TNFSF9: variants seen among roughly 807,000 people sequenced by gnomAD.
TNFSF9 encodes tumor necrosis factor ligand superfamily member 9.
In TNFSF9, 10 loss-of-function variants were observed where a neutral mutation model predicts 10.3. That is an observed-to-expected ratio of 0.97 (90% CI 0.60 to 1.65). TNFSF9 has a LOEUF of 1.65. Ranked by LOEUF, TNFSF9 falls within the 40% of genes most tolerant of loss-of-function variation. The probability of loss-of-function intolerance (pLI) is 0.00; values close to 1 mark genes in which losing one functional copy is unlikely to be tolerated. For synonymous variants in TNFSF9, 195 were observed against 176.1 expected (o/e 1.11, Z -0.85); for missense variants, 361 against 348.9 (o/e 1.03, Z -0.28).
At chr19:6,531,805 T>C (rs151237610) in intron 1 of TNFSF9, among the ~76,000 whole-genome samples, 14 of 151,924 alleles carry the variant, frequency 9.2e-5, no homozygotes, top group Admixed American at 2.0e-4. Flanking sequence ...CAGGGATACG[T>C]CTTCTGCACC....
intron 1 of TNFSF9, among the ~76,000 whole-genome samples, chr19:6,532,223 A>G (rs1915160397): frequency 6.6e-6 from 1 of 151,322 alleles, no homozygotes; most frequent in Non-Finnish European, 1.5e-5. Context: ...TCCCTCCTGA[A>G]TTCTTGGAGA....
At chr19:6,533,943 C>G (rs1392880808) in intron 2 of TNFSF9, among the ~76,000 whole-genome samples, 1 of 104,666 alleles carries the variant, frequency 9.6e-6, no homozygotes, top group Non-Finnish European at 2.0e-5. Flanking sequence ...GGTCCCCTGT[C>G]CACCCCTCTT....
intron 1 of TNFSF9, among the ~76,000 whole-genome samples, chr19:6,532,299 T>G (rs453643): frequency 0.012 from 955 of 81,896 alleles, 13 homozygotes; most frequent in African/African-American, 0.066. Flanking sequence ...GTGTGTGTGT[T>G]CGTGTTTGTG....
intron 1 of TNFSF9, 95 bp from the exon 2 acceptor site, chr19:6,532,691 G>C: frequency 6.3e-7 from 1 of 1,581,828 alleles, no homozygotes; most frequent in Non-Finnish European, 8.7e-7. Flanking sequence ...GGTCGGCACA[G>C]ACTCTGGGGA....
At position 6,534,990 on chromosome 19, in the gene TNFSF9, A is replaced by G; in HGVS notation, c.689A>G (p.Gln230Arg). The G allele has an allele frequency of 6.2e-7, 1 of 1,609,918 alleles. No homozygotes were observed. Among genetic ancestry groups the G allele is most frequent in the Non-Finnish European group, 8.5e-7 (1 of 1,178,200 alleles). Residue 230 changes from glutamine to arginine, a missense_variant, in exon 3 of 3, where the codon CAG becomes CGG. Gln to Arg is a conservative substitution (Grantham distance 43). Transcript: ENST00000245817. ...ARARHAWQLTQGATVLGLFRV... is the reference protein window; with the variant it reads ...ARARHAWQLTRGATVLGLFRV... The stretch of plus-strand genomic sequence containing the variant: ...GCACGCCATGCCTGGCAGCTTACCC[A>G]GGGCGCCACAGTCTTGGGACTCTTC...
At chr19:6,533,116 T>C (rs572771250) in intron 2 of TNFSF9, among the ~76,000 whole-genome samples, 40 of 151,978 alleles carry the variant, frequency 2.6e-4, no homozygotes, top group African/African-American at 9.7e-4. Context: ...TTTGTGTCTC[T>C]GGCCTCCTTC....
intron 1 of TNFSF9, among the ~76,000 whole-genome samples, chr19:6,532,472 CGT>C (rs1915169693): frequency 2.5e-5 from 3 of 120,754 alleles, no homozygotes; most frequent in Admixed American, 8.3e-5. Context: ...TATTTGTGTT[CGT>C]GTGTGTCTGT....
chr19:6,534,730 C>T lies in TNFSF9; in HGVS notation c.429C>T (p.Val143=), dbSNP rs1306220709. The part of the protein sequence containing the change: ...LVVAKAGVYY[V]FFQLELRRVV... Reference sequence around the variant, plus strand: ...TGGCCAAGGCTGGAGTCTACTATGTCTTCTTTCAACTAGAGCTGCGGCGCG... The same window carrying T: ...TGGCCAAGGCTGGAGTCTACTATGTTTTCTTTCAACTAGAGCTGCGGCGCG... Residue 143 remains valine, a synonymous_variant, in exon 3 of 3, where the codon GTC becomes GTT. Transcript: ENST00000245817. 4 of 1,597,424 alleles carry T rather than the reference C, an allele frequency of 2.5e-6. No homozygotes were observed. The African/African-American group carries it at 5.4e-5, about 21-fold the overall frequency.
rs1262775831 is a variant in TNFSF9 at position 6,531,211 on chromosome 19, C to T, written c.175C>T (p.Arg59Cys). ...CTGCCCCTGGGCCGTGTCCGGGGCT[C>T]GCGCCTCGCCCGGCTCCGCGGCCAG... ...LACPWAVSGA[R>C]ASPGSAASPR... Residue 59 changes from arginine to cysteine, a missense_variant, in exon 1 of 3, where the codon CGC becomes TGC. Arg to Cys is a radical substitution (Grantham distance 180, BLOSUM62 -3). Transcript: ENST00000245817. 7 of 1,539,730 alleles carry T rather than the reference C, an allele frequency of 4.5e-6. No homozygotes were observed. The highest frequency in any genetic ancestry group is 2.0e-5 in the Admixed American group (1 of 49,262).
rs1030135670 is a variant in TNFSF9 at position 6,534,226 on chromosome 19, A to G, written c.299-374A>G. Among the ~76,000 whole-genome samples, 5 of 143,812 alleles carry G rather than the reference A, an allele frequency of 3.5e-5. 1 individual carries two copies. Among genetic ancestry groups the G allele is most frequent in the Admixed American group, 2.1e-4 (3 of 14,026 alleles). The allele number at this position is 143,812 out of a possible 152,430, so 94.3% of individuals were successfully genotyped here. ...TTTCACCCCCTCTTCCTCTTCCTGC[A>G]TGTCTTTCCCCGCACCCGCATCACT... On this transcript the variant is annotated intron_variant, in intron 2 of 2. Coordinates refer to ENST00000245817, the MANE Select transcript of TNFSF9 (RefSeq NM_003811.4).
At chr19:6,534,110 C>G (rs930054782) in intron 2 of TNFSF9, among the ~76,000 whole-genome samples, 2 of 137,102 alleles carry the variant, frequency 1.5e-5, no homozygotes, top group African/African-American at 5.5e-5. Flanking sequence ...CCGAGATCTG[C>G]TGCTCCCTCC....
In TNFSF9 at chr19:6,534,749, C is replaced by A. The variant is rs77313944; in HGVS notation, c.448C>A (p.Arg150=). 1 of 1,598,016 alleles carries A rather than the reference C, an allele frequency of 6.3e-7. No homozygotes were observed. The highest frequency in any genetic ancestry group is 1.3e-5 in the African/African-American group (1 of 74,630). Residue 150 remains arginine (R), a synonymous_variant, in exon 3 of 3, where the codon CGG becomes AGG. Transcript: ENST00000245817. The part of the protein sequence containing the change: ...VYYVFFQLEL[R]RVVAGEGSGS... The stretch of plus-strand genomic sequence containing the variant: ...CTATGTCTTCTTTCAACTAGAGCTG[C>A]GGCGCGTGGTGGCCGGCGAGGGCTC...
rs1915235705 is a variant in TNFSF9 at position 6,534,904 on chromosome 19, C to T, written c.603C>T (p.Gly201=). The T allele has an allele frequency of 4.4e-6, 7 of 1,608,196 alleles. No homozygotes were observed. The East Asian group carries it at 1.6e-4, about 36-fold the overall frequency. Residue 201 remains glycine (G), a synonymous_variant, in exon 3 of 3, where the codon GGC becomes GGT. Coordinates refer to ENST00000245817, the MANE Select transcript of TNFSF9 (RefSeq NM_003811.4). ...EARNSAFGFQ[G]RLLHLSAGQR... The stretch of plus-strand genomic sequence containing the variant: ...GGAACTCGGCCTTCGGTTTCCAGGG[C>T]CGCTTGCTGCACCTGAGTGCCGGCC...
chr19:6,532,539 GTGTT>G (rs893807267), intron 1 of TNFSF9, among the ~76,000 whole-genome samples: 1 of 151,226 alleles, frequency 6.6e-6, no homozygotes, highest in Non-Finnish European at 1.5e-5. Flanking sequence ...GTGTGTGTTC[GTGTT>G]TGTTCGTGTG....
intron 2 of TNFSF9, 114 bp from the exon 3 acceptor site, chr19:6,534,486 G>GGC: frequency 6.6e-6 from 1 of 151,604 alleles, no homozygotes; most frequent in Non-Finnish European, 1.0e-5. Context: ...CCCGCCCCCC[G>GGC]GCCCCTGACC....
At chr19:6,532,519 T>TTGCGTTCGTGTG (rs1915170986) in intron 1 of TNFSF9, among the ~76,000 whole-genome samples, 1 of 145,760 alleles carries the variant, frequency 6.9e-6, no homozygotes, top group Non-Finnish European at 1.5e-5. Flanking sequence ...GTGTTTGTGT[T>TTGCGTTCGTGTG]TGCGTTCGTG....
rs1915237096 is a variant in TNFSF9 at position 6,534,962 on chromosome 19, A to G, written c.661A>G (p.Arg221Gly). Residue 221 changes from arginine (R) to glycine (G), a missense_variant, in exon 3 of 3, where the codon AGG (arginine) becomes GGG (glycine). Physicochemically the swap from Arg to Gly is moderately radical, Grantham distance 125 (BLOSUM62 -2). Transcript: ENST00000245817. The part of the protein sequence containing the change: ...RLGVHLHTEA[R>G]ARHAWQLTQG... ...GGGCGTCCATCTTCACACTGAGGCC[A>G]GGGCACGCCATGCCTGGCAGCTTAC... The G allele has an allele frequency of 1.2e-6, 2 of 1,611,382 alleles. No homozygotes were observed. Among genetic ancestry groups the G allele is most frequent in the East Asian group, 2.2e-5 (1 of 44,852 alleles).
Position 6,531,269 on chromosome 19 carries a change from C to T in TNFSF9, c.233C>T (p.Pro78Leu), listed in dbSNP as rs1350230565. Residue 78 changes from proline (P) to leucine (L), a missense_variant, in exon 1 of 3, where the codon CCC (proline) becomes CTC (leucine). Pro to Leu is a moderately conservative substitution (Grantham distance 98). Coordinates refer to ENST00000245817, the MANE Select transcript of TNFSF9 (RefSeq NM_003811.4). ...PRLREGPELSPDDPAGLLDLR... is the reference protein window; with the variant it reads ...PRLREGPELSLDDPAGLLDLR... ...CTCCGCGAGGGTCCCGAGCTTTCGC[C>T]CGACGATCCCGCCGGCCTCTTGGAC... 2 of 1,509,748 alleles carry T rather than the reference C, an allele frequency of 1.3e-6. No homozygotes were observed. The highest frequency in any genetic ancestry group is 1.8e-6 in the Non-Finnish European group (2 of 1,138,222). 93.5% of individuals were successfully genotyped at this position (1,509,748 alleles called of 1,614,324 possible).
rs1256404184 is a variant in TNFSF9, at chr19:6,533,394, C to T, written c.298+578C>T. Among the ~76,000 whole-genome samples, 3 of 135,132 alleles carry T rather than the reference C, an allele frequency of 2.2e-5. 1 individual carries two copies. The highest frequency in any genetic ancestry group is 8.5e-5 in the African/African-American group (3 of 35,170). 88.7% of individuals were successfully genotyped at this position (135,132 alleles called of 152,430 possible). A position where few individuals can be genotyped will look rare whatever the true frequency, so the allele number is the denominator to read the frequency against. On this transcript the variant is annotated intron_variant, in intron 2 of 2. Coordinates refer to ENST00000245817, the MANE Select transcript of TNFSF9 (RefSeq NM_003811.4). ...TCCCTCCCCGTCCAGAGACTTCTTC[C>T]CCGCTCGAGACCTCTTCCCCCTTCC...
Sources: gnomAD v4.1 joint callset for allele counts (sites outside exome capture counted in the v4.1 genomes callset) on GRCh38, gnomAD v4.1.1 for gene constraint, MANE v1.5 for transcripts, NCBI Gene and HGNC (gene_info 2026-07-23, HGNC 2026-07-21) for gene names.